UHRF2: variants seen among roughly 807,000 people sequenced by gnomAD.
UHRF2 encodes the protein E3 ubiquitin-protein ligase UHRF2.
In UHRF2, 23 loss-of-function variants were observed where a neutral mutation model predicts 96.8. The observed-to-expected ratio is 0.24, with a 90% CI of 0.17 to 0.34. The LOEUF is 0.34. UHRF2 is among the 10% of genes least tolerant of loss of function. The probability of loss-of-function intolerance (pLI) is 1.00; values close to 1 mark genes in which losing one functional copy is unlikely to be tolerated. For synonymous variants in UHRF2, 385 were observed against 332.6 expected (o/e 1.16, Z -1.72); for missense variants, 685 against 981.5 (o/e 0.70, Z 4.04).
At chr9:6,417,410 T>A (rs1345695048) in intron 1 of UHRF2, among the ~76,000 whole-genome samples, 1 of 152,234 alleles carries the variant, frequency 6.6e-6, no homozygotes, top group Non-Finnish European at 1.5e-5. Context: ...CACAGATGTT[T>A]GTGATTTCTA....
At chr9:6,492,769 G>T (rs186772742) in intron 9 of UHRF2, 3 of 146,324 alleles carry the variant, frequency 2.1e-5, no homozygotes, top group East Asian at 2.1e-4. Flanking sequence ...TACTGAATCA[G>T]ATAGAGACAA....
chr9:6,504,738 A>G (rs766698661), intron 15 of UHRF2, 47 bp downstream of exon 15: 3 of 1,454,038 alleles, frequency 2.1e-6, no homozygotes, highest in Non-Finnish European at 2.9e-6. Context: ...ATGAAGGCAC[A>G]CTAATTTCTA....
intron 9 of UHRF2, among the ~76,000 whole-genome samples, chr9:6,489,698 G>GT (rs753580013): frequency 1.4e-5 from 2 of 140,516 alleles, no homozygotes; most frequent in Admixed American, 7.1e-5. Flanking sequence ...AGCACTTCAG[G>GT]TTTTTTGGCC....
At chr9:6,418,315 C>T (rs561261777) in intron 1 of UHRF2, among the ~76,000 whole-genome samples, 1 of 145,846 alleles carries the variant, frequency 6.9e-6, no homozygotes, top group Non-Finnish European at 1.5e-5. Flanking sequence ...CTATCCTTAT[C>T]AGGGCTTACT....
chr9:6,503,650 G>T (rs1563813071), intron 14 of UHRF2, among the ~76,000 whole-genome samples: 1 of 150,776 alleles, frequency 6.6e-6, no homozygotes, highest in Admixed American at 6.6e-5. Flanking sequence ...GTTTCCTAGT[G>T]TTTTTTTTTA....
chr9:6,426,736 G>T lies in UHRF2; in HGVS notation c.384+5594G>T, dbSNP rs563498813. Reference sequence around the variant, plus strand: ...ATTTAGAAGCTGCTACTTTTGAAATGATTTGCTTTATTTTTATTTTATTTT... The same window carrying T: ...ATTTAGAAGCTGCTACTTTTGAAATTATTTGCTTTATTTTTATTTTATTTT... On this transcript the variant is annotated intron_variant, in intron 2 of 15. Transcript: ENST00000276893. 4.4e-4 allele frequency among the ~76,000 whole-genome samples: 67 copies of T among 152,138 alleles called. No homozygotes were observed. The South Asian group carries it at 0.014, about 32-fold the overall frequency.
At chr9:6,418,462 C>A (rs978194214) in intron 1 of UHRF2, among the ~76,000 whole-genome samples, 1 of 151,768 alleles carries the variant, frequency 6.6e-6, no homozygotes, top group Non-Finnish European at 1.5e-5. Flanking sequence ...AATGTGAATA[C>A]CTGTAGTGTT....
intron 3 of UHRF2, among the ~76,000 whole-genome samples, chr9:6,444,265 T>C (rs1461957497): frequency 6.6e-6 from 1 of 152,214 alleles, no homozygotes; most frequent in Non-Finnish European, 1.5e-5. Flanking sequence ...TTGGTGTCTT[T>C]ACCAAAGACT....
chr9:6,492,787 C>T (rs1824737619), intron 9 of UHRF2: 2 of 146,452 alleles, frequency 1.4e-5, no homozygotes, highest in South Asian at 4.3e-4. Context: ...CAATAATATC[C>T]ATATAAATTT....
At chr9:6,455,931 C>G (rs1219498967) in intron 3 of UHRF2, among the ~76,000 whole-genome samples, 1 of 152,164 alleles carries the variant, frequency 6.6e-6, no homozygotes, top group African/African-American at 2.4e-5. Context: ...CTGCAGCGGG[C>G]ATGATCACAC....
chr9:6,458,056 T>C (rs1822292482), intron 3 of UHRF2, among the ~76,000 whole-genome samples: 1 of 152,190 alleles, frequency 6.6e-6, no homozygotes, highest in Non-Finnish European at 1.5e-5. Context: ...CTTTTCCTGT[T>C]GTTTGGAATA....
chr9:6,475,137 A>C (rs1181720381), intron 4 of UHRF2, among the ~76,000 whole-genome samples: 1 of 152,196 alleles, frequency 6.6e-6, no homozygotes, highest in Non-Finnish European at 1.5e-5. Context: ...CTTTAAATTT[A>C]CAAGTTAGCT....
chr9:6,417,115 G>A (rs897889491), intron 1 of UHRF2, among the ~76,000 whole-genome samples: 1 of 152,056 alleles, frequency 6.6e-6, no homozygotes, highest in African/African-American at 2.4e-5. Context: ...CCCTTCACTG[G>A]CATCCCTAGT....
intron 2 of UHRF2, among the ~76,000 whole-genome samples, chr9:6,433,281 A>T (rs542404802): frequency 1.3e-5 from 2 of 152,316 alleles, no homozygotes; most frequent in South Asian, 4.1e-4. Flanking sequence ...ACTGGAATTG[A>T]CTACCTCCAT....
At chr9:6,498,373 G>T (rs1825086880) in intron 12 of UHRF2, 2 of 416,124 alleles carry the variant, frequency 4.8e-6, no homozygotes, top group Admixed American at 4.4e-5. Flanking sequence ...CTTGGGAAAA[G>T]TTGGACCTGT....
chr9:6,481,794 T>G, intron 7 of UHRF2, 28 bp downstream of exon 7: 1 of 1,598,744 alleles, frequency 6.3e-7, no homozygotes, highest in South Asian at 1.1e-5. Context: ...CTTTTCTTCC[T>G]AATAGCAAGT....
At chr9:6,447,312 G>T (rs1305347867) in intron 3 of UHRF2, among the ~76,000 whole-genome samples, 1 of 152,178 alleles carries the variant, frequency 6.6e-6, no homozygotes, top group East Asian at 1.9e-4. Flanking sequence ...TTTCTGTTTA[G>T]TAAGTTGGAC....
chr9:6,445,966 T>TCCCC (rs35680435), intron 3 of UHRF2, among the ~76,000 whole-genome samples: 9 of 112,662 alleles, frequency 8.0e-5, no homozygotes, highest in Admixed American at 2.0e-4. Context: ...TAAATACTCT[T>TCCCC]CCCCCCCCGC....
chr9:6,485,349 AT>A (rs1824203528), intron 8 of UHRF2, among the ~76,000 whole-genome samples: 1 of 151,920 alleles, frequency 6.6e-6, no homozygotes, highest in Non-Finnish European at 1.5e-5. Flanking sequence ...TCTGTCACGT[AT>A]TTATTTTCTA....
Sources: gnomAD v4.1 joint callset for allele counts (sites outside exome capture counted in the v4.1 genomes callset) on GRCh38, gnomAD v4.1.1 for gene constraint, MANE v1.5 for transcripts, NCBI Gene and HGNC (gene_info 2026-07-23, HGNC 2026-07-21) for gene names.